KCNQ5: variants seen among roughly 807,000 people sequenced by gnomAD.
KCNQ5 encodes the protein potassium voltage-gated channel subfamily KQT member 5.
KCNQ5 carries 30 observed loss-of-function variants against 98.2 expected under a neutral mutation model. The ratio of observed to expected loss-of-function variants is 0.31; its 90% CI spans 0.23 to 0.41. KCNQ5 has a LOEUF of 0.41. KCNQ5 is among the 10% of genes least tolerant of loss of function. The pLI is 1.00. For synonymous variants in KCNQ5, 458 were observed against 449.4 expected (o/e 1.02, Z -0.24); for missense variants, 835 against 1,182.5 (o/e 0.71, Z 4.31).
intron 1 of KCNQ5, among the ~76,000 whole-genome samples, chr6:72,811,868 G>A (rs1424527200): frequency 6.6e-6 from 1 of 152,214 alleles, no homozygotes; most frequent in African/African-American, 2.4e-5. Context: ...TCCATAGGCA[G>A]AGCAGTCCCA....
chr6:72,988,526 C>T (rs946574941), intron 1 of KCNQ5, among the ~76,000 whole-genome samples: 2 of 151,768 alleles, frequency 1.3e-5, no homozygotes, highest in Non-Finnish European at 2.9e-5. Flanking sequence ...AGGAGAAGGG[C>T]GTAGGTCAAA....
At chr6:72,789,384 AAAGCCCTTCAGCTT>A (rs1340300059) in intron 1 of KCNQ5, among the ~76,000 whole-genome samples, 2 of 152,224 alleles carry the variant, frequency 1.3e-5, no homozygotes, top group East Asian at 3.9e-4. Flanking sequence ...CGATTGGCTC[AAAGCCCTTCAGCTT>A]AACTGAAACT....
At chr6:72,855,519 T>C (rs932492539) in intron 1 of KCNQ5, among the ~76,000 whole-genome samples, 1 of 152,218 alleles carries the variant, frequency 6.6e-6, no homozygotes. Flanking sequence ...ATTATATTTG[T>C]AGACAAAGCT....
intron 3 of KCNQ5, among the ~76,000 whole-genome samples, chr6:73,063,686 T>TAGATGATAGATAGATA (rs55995543): frequency 0.013 from 1,200 of 93,126 alleles, 45 homozygotes; most frequent in Middle Eastern, 0.029. Context: ...GATAGATAGA[T>TAGATGATAGATAGATA]GATAGATAGA....
intron 1 of KCNQ5, among the ~76,000 whole-genome samples, chr6:72,655,782 A>T (rs922722895): frequency 5.3e-5 from 8 of 152,290 alleles, no homozygotes; most frequent in African/African-American, 1.9e-4. Context: ...GAATAACATT[A>T]CTGGAGCAGC....
In KCNQ5 at chr6:72,622,654, C is replaced by A; in HGVS notation, c.398+67C>A. ...ACTGTCCCTGGCCCCCTGGGGCGTG[C>A]TCCGCGCTCGCGCCCTTGGGCCCCC... On this transcript the variant is annotated intron_variant, in intron 1 of 13. Coordinates refer to ENST00000370398, the MANE Select transcript of KCNQ5 (RefSeq NM_019842.4). This position sits in a 1 kb window ranked among gnomAD's most constrained non-coding sequence, Gnocchi z 6.0. The A allele has an allele frequency of 8.3e-6, 13 of 1,571,204 alleles. No individual in the cohort carries two copies. Among genetic ancestry groups the A allele is most frequent in the Admixed American group, 1.9e-5 (1 of 53,872 alleles).
Position 73,142,772 on chromosome 6 carries a change from C to T in KCNQ5, c.1468+9131C>T, listed in dbSNP as rs189383482. ...CTCTACTAAAAATACAAAAATTAGC[C>T]AGGCGTGGTGGCGGGCACCTGTAAT... On this transcript the variant is annotated intron_variant, in intron 10 of 13. Coordinates refer to ENST00000370398, the MANE Select transcript of KCNQ5 (RefSeq NM_019842.4). 5.0e-3 allele frequency among the ~76,000 whole-genome samples: 758 copies of T among 152,064 alleles called. 10 individuals carry two copies. Among genetic ancestry groups the T allele is most frequent in the African/African-American group, 0.017 (688 of 41,478 alleles).
rs143868735 is a variant in KCNQ5 at position 73,081,535 on chromosome 6, A to G, written c.918+3648A>G. On this transcript the variant is annotated intron_variant, in intron 5 of 13. Transcript: ENST00000370398. The stretch of plus-strand genomic sequence containing the variant: ...TCCTGCACTCCAGCCTGGGTGCTTG[A>G]GTGAGACCCTGCCTCAAAGACTCCC... 3.4e-3 allele frequency among the ~76,000 whole-genome samples: 512 copies of G among 152,278 alleles called. 2 individuals carry two copies. Among genetic ancestry groups the G allele is most frequent in the African/African-American group, 0.012 (485 of 41,544 alleles).
At chr6:73,083,793 C>A (rs1002092542) in intron 5 of KCNQ5, among the ~76,000 whole-genome samples, 2 of 152,130 alleles carry the variant, frequency 1.3e-5, no homozygotes, top group Admixed American at 1.3e-4. Flanking sequence ...CAGAGAATAA[C>A]AAGGCTGTCT....
intron 3 of KCNQ5, among the ~76,000 whole-genome samples, chr6:73,064,603 G>C (rs1481902350): frequency 6.6e-6 from 1 of 151,928 alleles, no homozygotes; most frequent in African/African-American, 2.4e-5. Context: ...TTTGTCATTT[G>C]GTAGGTGTGA....
chr6:73,115,082 T>C (rs1253275070), intron 7 of KCNQ5, among the ~76,000 whole-genome samples: 1 of 151,852 alleles, frequency 6.6e-6, no homozygotes, highest in African/African-American at 2.4e-5. Context: ...GGTGGGAGGA[T>C]TGCTTGAGTT....
At chr6:73,186,254 A>G (rs1778568497) in intron 11 of KCNQ5, among the ~76,000 whole-genome samples, 1 of 152,016 alleles carries the variant, frequency 6.6e-6, no homozygotes, top group South Asian at 2.1e-4. Context: ...AAAGAAAGAC[A>G]GTCTATGCTT....
chr6:73,001,562 A>G (rs1317825598), intron 1 of KCNQ5, among the ~76,000 whole-genome samples: 2 of 152,094 alleles, frequency 1.3e-5, no homozygotes, highest in African/African-American at 4.8e-5. Flanking sequence ...TGATTAAATA[A>G]TCCCCTGCTC....
chr6:72,650,801 T>C (rs1400638458), intron 1 of KCNQ5, among the ~76,000 whole-genome samples: 2 of 152,092 alleles, frequency 1.3e-5, no homozygotes, highest in African/African-American at 4.8e-5. Context: ...TTCCTAGCCT[T>C]CACGTGGTTT....
chr6:72,770,595 A>G (rs1443021005), intron 1 of KCNQ5, among the ~76,000 whole-genome samples: 3 of 152,136 alleles, frequency 2.0e-5, no homozygotes. Context: ...GAAATCAATA[A>G]TTATTTCGAG....
chr6:73,096,077 G>A (rs143774026), intron 5 of KCNQ5, among the ~76,000 whole-genome samples: 127 of 152,270 alleles, frequency 8.3e-4, no homozygotes, highest in Non-Finnish European at 1.2e-3. Context: ...TAGGGAAGCC[G>A]ACAGTGCAGC....
At position 73,194,714 on chromosome 6, in the gene KCNQ5, A is replaced by G; in HGVS notation, c.2099A>G (p.Gln700Arg). 6.2e-7 allele frequency: 1 copy of G among 1,614,276 alleles called. No individual in the cohort carries two copies. Among genetic ancestry groups the G allele is most frequent in the East Asian group, 2.2e-5 (1 of 44,892 alleles). Residue 700 changes from glutamine to arginine, a missense_variant, in exon 14 of 14, where the codon CAG becomes CGG. By Grantham distance (43) the Gln-to-Arg change is conservative. Coordinates refer to ENST00000370398, the MANE Select transcript of KCNQ5 (RefSeq NM_019842.4). ...FILTPNEFSA[Q>R]TFYALSPTMH... ...CTGACGCCAAATGAGTTCAGTGCCC[A>G]GACTTTCTACGCGCTTAGCCCTACT...
chr6:72,694,754 A>G (rs983273260), intron 1 of KCNQ5, among the ~76,000 whole-genome samples: 11 of 152,298 alleles, frequency 7.2e-5, no homozygotes, highest in Admixed American at 5.2e-4. Flanking sequence ...GGACATACAT[A>G]TGTGACTTTG....
At chr6:72,867,370 C>G (rs574739467) in intron 1 of KCNQ5, among the ~76,000 whole-genome samples, 1 of 152,302 alleles carries the variant, frequency 6.6e-6, no homozygotes, top group South Asian at 2.1e-4. Context: ...TAACAACTTT[C>G]TTTGGTCTTA....
Sources: gnomAD v4.1 joint callset for allele counts (sites outside exome capture counted in the v4.1 genomes callset) on GRCh38, gnomAD v4.1.1 for gene constraint, Gnocchi (gnomAD v3.1) non-coding constraint, MANE v1.5 for transcripts, NCBI Gene and HGNC (gene_info 2026-07-23, HGNC 2026-07-21) for gene names.